LITAF: variants seen among roughly 807,000 people sequenced by gnomAD.
LITAF encodes lipopolysaccharide-induced tumor necrosis factor-alpha factor.
Under a neutral mutation model 14.5 loss-of-function variants are expected in LITAF, and 9 were observed. That is an observed-to-expected ratio of 0.62 (90% CI 0.37 to 1.08). LITAF has a LOEUF of 1.08. Among genes scored for constraint, LITAF ranks in the 50% least tolerant of loss-of-function variants. The pLI is 0.01. For missense variants in LITAF, 206 were observed against 213.4 expected (o/e 0.97, Z 0.22); for synonymous variants, 98 against 88.2 (o/e 1.11, Z -0.62).
At position 11,553,961 on chromosome 16, in the gene LITAF, TA is replaced by T. The variant is rs2141703780; in HGVS notation, c.221-273del. 6.6e-6 allele frequency among the ~76,000 whole-genome samples: 1 copy of T among 152,264 alleles called. No individual in the cohort carries two copies. Among genetic ancestry groups the T allele is most frequent in the South Asian group, 2.1e-4 (1 of 4,818 alleles). ...AAAAAGAAAGGAGGACCGGGCGCGG[TA>T]GCTCATGCCTGTAATCCCAACACTT... On this transcript the variant is annotated intron_variant, in intron 2 of 3. Coordinates refer to ENST00000622633, the MANE Select transcript of LITAF (RefSeq NM_001136472.2). The surrounding 1 kb of genome is among the most constrained non-coding windows in gnomAD (Gnocchi z 7.7).
At chr16:11,552,911 C>T (rs191972865) in intron 3 of LITAF, among the ~76,000 whole-genome samples, 8 of 150,172 alleles carry the variant, frequency 5.3e-5, no homozygotes, top group Non-Finnish European at 8.9e-5. Flanking sequence ...GTCAGGAGTT[C>T]GAGACCAGCC....
chr16:11,595,979 C>A (rs756689505), intron 1 of LITAF, among the ~76,000 whole-genome samples: 1 of 152,090 alleles, frequency 6.6e-6, no homozygotes, highest in East Asian at 1.9e-4. Context: ...GTGAGATCTG[C>A]CTCTGGCCAG....
chr16:11,622,709 T>A (rs2065058600), intron 3 of LITAF, among the ~76,000 whole-genome samples: 1 of 152,048 alleles, frequency 6.6e-6, no homozygotes, highest in Non-Finnish European at 1.5e-5. Flanking sequence ...GAGGGGTAGG[T>A]GGTGATGTGA....
intron 3 of LITAF, among the ~76,000 whole-genome samples, chr16:11,550,490 C>G (rs2064166838): frequency 6.6e-6 from 1 of 152,142 alleles, no homozygotes; most frequent in Non-Finnish European, 1.5e-5. Context: ...GATGACACCC[C>G]TAGGAAATTA....
At chr16:11,559,207 G>A (rs777740105) in intron 1 of LITAF, among the ~76,000 whole-genome samples, 2 of 152,158 alleles carry the variant, frequency 1.3e-5, no homozygotes, top group Non-Finnish European at 2.9e-5. Context: ...AGTGAGCCAT[G>A]ATCATGCCAC....
At chr16:11,550,033 G>C (rs2064160812) in intron 3 of LITAF, among the ~76,000 whole-genome samples, 1 of 152,184 alleles carries the variant, frequency 6.6e-6, no homozygotes, top group Non-Finnish European at 1.5e-5. Context: ...GGACCTACTA[G>C]AAGCTGGAGG....
rs2064310940 is a variant in LITAF, at chr16:11,558,664, C to G, written c.-5-1929G>C. Among the ~76,000 whole-genome samples, 1 of 151,860 alleles carries G rather than the reference C, an allele frequency of 6.6e-6. No individual in the cohort carries two copies. On this transcript the variant is annotated intron_variant, in intron 1 of 3. Coordinates refer to ENST00000622633, the MANE Select transcript of LITAF (RefSeq NM_001136472.2). The surrounding 1 kb of genome is among the most constrained non-coding windows in gnomAD (Gnocchi z 4.1). ...TTGAGGCTGCAGTGAGCCATGATCA[C>G]TCCACTGCACTCCAGCCTGGGAAAC...
At chr16:11,637,893 AAAAAC>A (rs1408866021), upstream of LITAF, among the ~76,000 whole-genome samples, 3 of 93,846 alleles carry the variant, frequency 3.2e-5, no homozygotes, top group African/African-American at 1.7e-4. Flanking sequence ...AAAAAAAAAA[AAAAAC>A]TATATATATA....
chr16:11,549,271 A>G lies in LITAF; in HGVS notation c.*366T>C. 1 of 438,772 alleles carries G rather than the reference A, an allele frequency of 2.3e-6. No homozygotes were observed. The highest frequency in any genetic ancestry group is 4.6e-6 in the Non-Finnish European group (1 of 218,846). The allele number at this position is 438,772 out of a possible 1,614,324, so 27.2% of individuals were successfully genotyped here. On this transcript the variant is annotated 3_prime_UTR_variant, in exon 4 of 4. Coordinates refer to ENST00000622633, the MANE Select transcript of LITAF (RefSeq NM_001136472.2). This position sits in a 1 kb window ranked among gnomAD's most constrained non-coding sequence, Gnocchi z 4.6. ...GGCAACTGTGGCTTCTCAGTTTGAG[A>G]CTGCCACCAGAAAGGCCCATGGAAG... is the stretch of plus-strand genomic sequence containing the variant.
At chr16:11,606,533 T>A (rs912577522) in intron 3 of LITAF, among the ~76,000 whole-genome samples, 3 of 152,208 alleles carry the variant, frequency 2.0e-5, no homozygotes, top group African/African-American at 7.2e-5. Context: ...ACAGGCTTAC[T>A]GCTGATATTA....
At chr16:11,570,904 C>T (rs1412135230) in intron 1 of LITAF, among the ~76,000 whole-genome samples, 1 of 151,782 alleles carries the variant, frequency 6.6e-6, no homozygotes, top group East Asian at 1.9e-4. Context: ...GGCAACAGAG[C>T]AAGACCTCTG....
intron 1 of LITAF, among the ~76,000 whole-genome samples, chr16:11,580,375 A>G (rs996776085): frequency 4.6e-5 from 7 of 151,832 alleles, no homozygotes; most frequent in African/African-American, 1.7e-4. Flanking sequence ...CTCCTGCCTC[A>G]GCCTCCTGAG....
intron 1 of LITAF, among the ~76,000 whole-genome samples, chr16:11,565,516 G>A (rs951890680): frequency 4.6e-5 from 7 of 152,024 alleles, no homozygotes; most frequent in Non-Finnish European, 7.4e-5. Context: ...CCAAGTCAAG[G>A]CCTTAAAACT....
chr16:11,618,929 G>C (rs1183595810), intron 3 of LITAF, among the ~76,000 whole-genome samples: 3 of 151,780 alleles, frequency 2.0e-5, no homozygotes, highest in African/African-American at 7.3e-5. Flanking sequence ...GTTGCAGTGA[G>C]CCGAGATTAC....
At chr16:11,596,715 G>A (rs2064890802) in intron 1 of LITAF, among the ~76,000 whole-genome samples, 1 of 97,926 alleles carries the variant, frequency 1.0e-5, no homozygotes, top group African/African-American at 4.1e-5. Flanking sequence ...AGGGAGGAGG[G>A]GGGAGCGTGA....
Position 11,549,994 on chromosome 16 carries a change from A to G in LITAF, c.378-249T>C, listed in dbSNP as rs917165823. On this transcript the variant is annotated intron_variant, in intron 3 of 3. Transcript: ENST00000622633. The surrounding 1 kb of genome is among the most constrained non-coding windows in gnomAD (Gnocchi z 4.6). The stretch of plus-strand genomic sequence containing the variant: ...ATGTGAAGACAGAGGCAGAAGCTGG[A>G]GTGATGAGGCCATAAGCCAAGGACA... 2.0e-5 allele frequency among the ~76,000 whole-genome samples: 3 copies of G among 152,222 alleles called. No homozygotes were observed. Among genetic ancestry groups the G allele is most frequent in the Non-Finnish European group, 4.4e-5 (3 of 68,030 alleles).
chr16:11,628,178 G>A (rs1395160039), intron 3 of LITAF, among the ~76,000 whole-genome samples: 8 of 152,078 alleles, frequency 5.3e-5, no homozygotes, highest in South Asian at 4.1e-4. Flanking sequence ...GACCTGGTTC[G>A]TTTCTCAAGC....
At chr16:11,594,941 A>G (rs920673342) in intron 1 of LITAF, among the ~76,000 whole-genome samples, 2 of 152,016 alleles carry the variant, frequency 1.3e-5, no homozygotes, top group Non-Finnish European at 2.9e-5. Flanking sequence ...TAAAGGCTAT[A>G]AATAGTTGTC....
At chr16:11,618,865 C>A (rs1447264620) in intron 3 of LITAF, among the ~76,000 whole-genome samples, 1 of 151,860 alleles carries the variant, frequency 6.6e-6, no homozygotes, top group African/African-American at 2.4e-5. Flanking sequence ...TGCCTGTAAT[C>A]CCAGCTACTC....
Sources: allele counts gnomAD v4.1 joint callset (sites outside exome capture counted in the v4.1 genomes callset), GRCh38; gene constraint gnomAD v4.1.1; non-coding constraint Gnocchi (gnomAD v3.1); transcripts MANE v1.5; gene names NCBI Gene and HGNC (gene_info 2026-07-23, HGNC 2026-07-21).